ERC2: variants seen among roughly 807,000 people sequenced by gnomAD.
ERC2 encodes ERC protein 2.
In ERC2, 42 loss-of-function variants were observed where a neutral mutation model predicts 114.8. The observed-to-expected ratio is 0.37, with a 90% confidence interval of 0.29 to 0.47. The LOEUF (loss-of-function observed/expected upper bound fraction) is 0.47. Ranked by LOEUF, ERC2 falls within the 20% of genes least tolerant of loss-of-function variation. The pLI is 0.99. For missense variants in ERC2, 939 were observed against 1,150.7 expected (o/e 0.82, Z 2.66); for synonymous variants, 454 against 425.5 (o/e 1.07, Z -0.82).
intron 17 of ERC2, among the ~76,000 whole-genome samples, chr3:55,610,071 A>AC (rs2058831550): frequency 6.7e-6 from 1 of 149,880 alleles, no homozygotes; most frequent in Admixed American, 6.7e-5. Flanking sequence ...AAACAAAAAA[A>AC]AAAAAAAAAA....
At chr3:55,763,944 G>A (rs934781063) in intron 14 of ERC2, among the ~76,000 whole-genome samples, 6 of 152,040 alleles carry the variant, frequency 3.9e-5, no homozygotes, top group Non-Finnish European at 7.4e-5. Flanking sequence ...GGCTTCTCAC[G>A]ACGTATTTTT....
intron 11 of ERC2, among the ~76,000 whole-genome samples, chr3:55,988,617 G>A (rs2070814910): frequency 6.6e-6 from 1 of 152,158 alleles, no homozygotes; most frequent in South Asian, 2.1e-4. Flanking sequence ...TGTACCTTTT[G>A]TTGCATACAA....
intron 17 of ERC2, among the ~76,000 whole-genome samples, chr3:55,609,004 A>G (rs138484653): frequency 6.6e-6 from 1 of 152,330 alleles, no homozygotes; most frequent in East Asian, 1.9e-4. Context: ...CCATATCCCA[A>G]GATAATTGCT....
intron 2 of ERC2, among the ~76,000 whole-genome samples, chr3:56,313,000 T>TTATA (rs2056668104): frequency 1.1e-4 from 1 of 9,108 alleles, no homozygotes; most frequent in Non-Finnish European, 2.5e-4. Flanking sequence ...ATATGTATAT[T>TTATA]CATATATATA....
At chr3:56,215,799 G>C (rs1201286684) in intron 3 of ERC2, among the ~76,000 whole-genome samples, 1 of 152,158 alleles carries the variant, frequency 6.6e-6, no homozygotes, top group African/African-American at 2.4e-5. Context: ...CTGTCTCTCA[G>C]ACAACAGTGC....
In ERC2 at chr3:55,950,550, C is replaced by T. The variant is rs1270322282; in HGVS notation, c.2278G>A (p.Asp760Asn). ...LESLTLRHMKDQNKKVANLKH... is the reference protein window; with the variant it reads ...LESLTLRHMKNQNKKVANLKH... ...AGGTTGGCCACCTTCTTATTCTGAT[C>T]TTTCATATGCCTGAGAAAAGTCAGC... is the stretch of plus-strand genomic sequence containing the variant. Residue 760 changes from aspartate (D) to asparagine (N), a missense_variant, in exon 13 of 18, where the codon GAT becomes AAT. Physicochemically the swap from Asp to Asn is conservative, Grantham distance 23 (BLOSUM62 1). This residue lies in a region of ERC2 where 328 missense variants were observed against 353.9 expected (regional missense o/e 0.93). Transcript: ENST00000288221. 3 of 1,614,006 alleles carry T rather than the reference C, an allele frequency of 1.9e-6. No individual in the cohort carries two copies. The highest frequency in any genetic ancestry group is 2.5e-6 in the Non-Finnish European group (3 of 1,179,900).
At chr3:55,808,618 T>C (rs947282142) in intron 14 of ERC2, among the ~76,000 whole-genome samples, 1 of 149,402 alleles carries the variant, frequency 6.7e-6, no homozygotes, top group African/African-American at 2.5e-5. Context: ...GATTCTCCCA[T>C]TTCACAGATG....
intron 14 of ERC2, among the ~76,000 whole-genome samples, chr3:55,864,947 ATC>A (rs1208260336): frequency 3.9e-5 from 6 of 152,094 alleles, no homozygotes; most frequent in African/African-American, 7.2e-5. Context: ...TCATTACCAT[ATC>A]TCCTGTTTAG....
chr3:55,863,947 T>C (rs1420020865), intron 14 of ERC2, among the ~76,000 whole-genome samples: 1 of 150,514 alleles, frequency 6.6e-6, no homozygotes, highest in African/African-American at 2.5e-5. Flanking sequence ...TAGTCTATAG[T>C]ACCTATCCTC....
intron 14 of ERC2, among the ~76,000 whole-genome samples, chr3:55,802,631 G>A (rs2059345328): frequency 6.6e-6 from 1 of 152,132 alleles, no homozygotes; most frequent in South Asian, 2.1e-4. Flanking sequence ...AGTTTATTGA[G>A]AATTTTAAAC....
chr3:55,572,917 G>A (rs934206643), intron 17 of ERC2, among the ~76,000 whole-genome samples: 4 of 152,160 alleles, frequency 2.6e-5, no homozygotes, highest in African/African-American at 4.8e-5. Context: ...ACACTTCTAA[G>A]TACTGCAGGT....
chr3:55,610,574 A>T (rs1367462135), intron 17 of ERC2: 1 of 151,884 alleles, frequency 6.6e-6, no homozygotes, highest in African/African-American at 2.4e-5. Flanking sequence ...GGTGGCACGA[A>T]CCTGTAGTAC....
intron 13 of ERC2, among the ~76,000 whole-genome samples, chr3:55,893,578 C>T (rs976917281): frequency 4.6e-5 from 7 of 152,166 alleles, no homozygotes; most frequent in Admixed American, 2.0e-4. Context: ...CCTGTCCTCA[C>T]CCTCCCAACT....
intron 3 of ERC2, among the ~76,000 whole-genome samples, chr3:56,275,435 G>C (rs1383161081): frequency 6.6e-6 from 1 of 152,186 alleles, no homozygotes; most frequent in Non-Finnish European, 1.5e-5. Flanking sequence ...TCATAACACA[G>C]AAAGTTTCTT....
rs972963515 is a variant in ERC2, at chr3:55,855,891, G to T, written c.2564+32498C>A. Among the ~76,000 whole-genome samples the T allele has an allele frequency of 2.6e-5, 4 of 152,156 alleles. No individual in the cohort carries two copies. The East Asian group carries it at 7.7e-4, about 29-fold the overall frequency. ...ATTTTACTTTGGCTTTACATAAAAAGGTGTCCCTGGCCTCTTAAATGTAAC... is the reference window on the plus strand; with the variant it reads ...ATTTTACTTTGGCTTTACATAAAAATGTGTCCCTGGCCTCTTAAATGTAAC... On this transcript the variant is annotated intron_variant, in intron 14 of 17. Transcript: ENST00000288221.
At chr3:55,907,929 G>C (rs544525504) in intron 13 of ERC2, among the ~76,000 whole-genome samples, 35 of 152,326 alleles carry the variant, frequency 2.3e-4, no homozygotes, top group African/African-American at 7.9e-4. Context: ...TGCTACAGAA[G>C]AGGCAGACAG....
In ERC2 at chr3:55,900,403, A is replaced by C. The variant is rs2064071956; in HGVS notation, c.2404-11854T>G. 3.3e-5 allele frequency among the ~76,000 whole-genome samples: 5 copies of C among 152,238 alleles called. No homozygotes were observed. In the South Asian group the frequency reaches 1.0e-3, roughly 31 times the overall value. Reference sequence around the variant, plus strand: ...TCCAGGCTACTTGGCCACCTCCATTAGCAGAGTCTGTTCATTCCCATTCAA... The same window carrying C: ...TCCAGGCTACTTGGCCACCTCCATTCGCAGAGTCTGTTCATTCCCATTCAA... On this transcript the variant is annotated intron_variant, in intron 13 of 17. Coordinates refer to ENST00000288221, the MANE Select transcript of ERC2 (RefSeq NM_015576.3).
chr3:55,874,520 T>G (rs1303776742), intron 14 of ERC2, among the ~76,000 whole-genome samples: 1 of 152,158 alleles, frequency 6.6e-6, no homozygotes, highest in Non-Finnish European at 1.5e-5. Flanking sequence ...TTACTTAATA[T>G]GAGAAATGTA....
At chr3:56,114,769 C>T (rs2079138304) in intron 6 of ERC2, among the ~76,000 whole-genome samples, 1 of 152,228 alleles carries the variant, frequency 6.6e-6, no homozygotes, top group Non-Finnish European at 1.5e-5. Flanking sequence ...TGCCTTTAAC[C>T]TCCAAGCTGC....
Sources: gnomAD v4.1 joint callset for allele counts (sites outside exome capture counted in the v4.1 genomes callset) on GRCh38, gnomAD v4.1.1 for gene constraint, gnomAD v4.1.1 regional missense constraint, MANE v1.5 for transcripts, NCBI Gene and HGNC (gene_info 2026-07-23, HGNC 2026-07-21) for gene names.